TUSC3: variants seen among roughly 807,000 people sequenced by gnomAD.
The protein encoded by TUSC3 is tumor suppressor candidate 3, also known as dolichyl-diphosphooligosaccharide--protein glycosyltransferase subunit TUSC3.
Under a neutral mutation model 44.8 loss-of-function variants are expected in TUSC3, and 45 were observed. That is an observed-to-expected ratio of 1.00 (90% confidence interval 0.79 to 1.29). The LOEUF is 1.29. Ranked by LOEUF, TUSC3 falls within the 50% of genes most tolerant of loss-of-function variation. The pLI is 0.00. For synonymous variants in TUSC3, 212 were observed against 152.9 expected, an observed-to-expected ratio of 1.39 and a Z score of -2.85; for missense variants, 519 against 437.9, an observed-to-expected ratio of 1.19 and a Z score of -1.65.
chr8:15,813,507 T>C, the TUSC3 span, among the ~76,000 whole-genome samples: 3 of 152,174 alleles, frequency 2.0e-5, no homozygotes, highest in African/African-American at 4.8e-5. Context: ...AAGTACGAGG[T>C]AATCATAACC....
intron 1 of TUSC3, among the ~76,000 whole-genome samples, chr8:15,564,354 C>G (rs1417069006): frequency 6.6e-6 from 1 of 152,014 alleles, no homozygotes; most frequent in Non-Finnish European, 1.5e-5. Flanking sequence ...TATTCATATA[C>G]AAATCTTAAC....
At chr8:15,504,622 T>TATA (rs1491376429) in intron 2 of TUSC3, among the ~76,000 whole-genome samples, 2 of 18,734 alleles carry the variant, frequency 1.1e-4, no homozygotes, top group South Asian at 1.8e-3. Flanking sequence ...TATATATATA[T>TATA]TTTTTTTTTT....
chr8:15,494,300 T>C (rs114951928), intron 2 of TUSC3, among the ~76,000 whole-genome samples: 2,933 of 149,010 alleles, frequency 0.02, 101 homozygotes, highest in African/African-American at 0.067. Flanking sequence ...TGAATCTCCA[T>C]AGGGCTTATC....
chr8:15,757,708 G>A (rs1016150056), intron 9 of TUSC3, 83 bp from the exon 10 acceptor site: 10 of 1,454,262 alleles, frequency 6.9e-6, no homozygotes, highest in Non-Finnish European at 9.7e-6. Context: ...GCTAAATCTT[G>A]TAATAATATT....
chr8:15,699,375 C>G (rs1283312336), intron 6 of TUSC3, among the ~76,000 whole-genome samples: 2 of 152,174 alleles, frequency 1.3e-5, no homozygotes, highest in African/African-American at 4.8e-5. Flanking sequence ...TTAGACTGCA[C>G]TCTCTCACCA....
rs1434323928 is a variant in TUSC3 at position 15,540,430 on chromosome 8, G to C, written c.-1G>C. The C allele has an allele frequency of 2.1e-5, 34 of 1,587,956 alleles. No homozygotes were observed. The highest frequency in any genetic ancestry group is 2.9e-5 in the Non-Finnish European group (34 of 1,168,414). On this transcript the variant is annotated 5_prime_UTR_variant, in exon 1 of 11. Coordinates refer to ENST00000503731, the MANE Select transcript of TUSC3 (RefSeq NM_006765.4). ...CGTGGAGGAGACACTGCCCTGCCGC[G>C]ATGGGGGCCCGGGGCGCTCCTTCAC...
At chr8:15,516,228 T>C (rs939757955) in intron 2 of TUSC3, among the ~76,000 whole-genome samples, 2 of 152,200 alleles carry the variant, frequency 1.3e-5, no homozygotes, top group Non-Finnish European at 2.9e-5. Flanking sequence ...CTGTCCTTGA[T>C]ATATTCAGTG....
At chr8:15,818,484 A>G in the TUSC3 span, among the ~76,000 whole-genome samples, 1 of 152,188 alleles carries the variant, frequency 6.6e-6, no homozygotes, top group African/African-American at 2.4e-5. Context: ...TGTTGATTGT[A>G]CAGCTTGAAT....
intron 7 of TUSC3, among the ~76,000 whole-genome samples, chr8:15,741,155 G>A (rs112612222): frequency 8.0e-5 from 12 of 150,360 alleles, no homozygotes; most frequent in Non-Finnish European, 1.6e-4. Context: ...TAACATGTTT[G>A]TGTACATGTG....
chr8:15,713,398 A>G (rs1020356890), intron 6 of TUSC3, among the ~76,000 whole-genome samples: 3 of 152,148 alleles, frequency 2.0e-5, no homozygotes, highest in Non-Finnish European at 2.9e-5. Flanking sequence ...TCATTGTTCA[A>G]AAGAAAGCTG....
rs749423165 is a variant in TUSC3 at position 15,623,067 on chromosome 8, T to G, written c.139-13T>G. The G allele has an allele frequency of 1.2e-6, 2 of 1,613,182 alleles. No individual in the cohort carries two copies. The highest frequency in any genetic ancestry group is 1.7e-6 in the Non-Finnish European group (2 of 1,179,436). ...GACTCTTTGTAAATGTTAATTTCTGTGTTTAATTGCAGAATCTTTTAGCTG... is the reference window on the plus strand; with the variant it reads ...GACTCTTTGTAAATGTTAATTTCTGGGTTTAATTGCAGAATCTTTTAGCTG... On this transcript the variant is annotated splice_polypyrimidine_tract_variant and intron_variant, in intron 1 of 10. Coordinates refer to ENST00000503731, the MANE Select transcript of TUSC3 (RefSeq NM_006765.4).
At chr8:15,438,523 C>A (rs891816623) in intron 1 of TUSC3, among the ~76,000 whole-genome samples, 1 of 152,100 alleles carries the variant, frequency 6.6e-6, no homozygotes, top group African/African-American at 2.4e-5. Flanking sequence ...GAGGTAGACT[C>A]GTGGGTGAGA....
chr8:15,771,885 G>A, the TUSC3 span, among the ~76,000 whole-genome samples: 4 of 151,986 alleles, frequency 2.6e-5, no homozygotes, highest in Middle Eastern at 3.2e-3. Flanking sequence ...TCAGGAGGTC[G>A]AGACCATCCT....
upstream of TUSC3, among the ~76,000 whole-genome samples, chr8:15,536,131 A>C (rs992143246): frequency 1.3e-5 from 2 of 152,218 alleles, no homozygotes; most frequent in Non-Finnish European, 2.9e-5. Context: ...AAAGGGTTCC[A>C]ACAAAGGGAA....
At chr8:15,673,485 C>T (rs1469347014) in intron 5 of TUSC3, among the ~76,000 whole-genome samples, 1 of 152,040 alleles carries the variant, frequency 6.6e-6, no homozygotes, top group Non-Finnish European at 1.5e-5. Context: ...AGGCCAGATG[C>T]TTTACATATG....
chr8:15,433,078 C>T (rs959922333), intron 1 of TUSC3, among the ~76,000 whole-genome samples: 17 of 152,160 alleles, frequency 1.1e-4, no homozygotes, highest in African/African-American at 3.9e-4. Flanking sequence ...ACCCAATCTC[C>T]AAATAAACAA....
chr8:15,712,766 T>C (rs1809909977), intron 6 of TUSC3, among the ~76,000 whole-genome samples: 1 of 152,138 alleles, frequency 6.6e-6, no homozygotes, highest in Non-Finnish European at 1.5e-5. Flanking sequence ...GTTTCTCACC[T>C]GCACACCTTT....
intron 1 of TUSC3, among the ~76,000 whole-genome samples, chr8:15,547,044 T>C (rs1252116591): frequency 6.6e-6 from 1 of 151,688 alleles, no homozygotes; most frequent in African/African-American, 2.4e-5. Flanking sequence ...AAAAATATAG[T>C]GAATTATTTA....
At chr8:15,455,818 A>G (rs1416979508) in intron 1 of TUSC3, among the ~76,000 whole-genome samples, 2 of 152,344 alleles carry the variant, frequency 1.3e-5, no homozygotes, top group East Asian at 1.9e-4. Context: ...GCCCTTCCCC[A>G]AAACTCAGCC....
Sources: gnomAD v4.1 joint callset for allele counts (sites outside exome capture counted in the v4.1 genomes callset) on GRCh38, gnomAD v4.1.1 for gene constraint, MANE v1.5 for transcripts, NCBI Gene and HGNC (gene_info 2026-07-23, HGNC 2026-07-21) for gene names.